Variants in CDC73 observed in about 807,000 individuals in gnomAD.
The protein encoded by CDC73 is cell division cycle 73.
In CDC73, 21 loss-of-function variants were observed where a neutral mutation model predicts 83.7. The observed-to-expected ratio is 0.25, with a 90% CI of 0.18 to 0.36. CDC73 has a LOEUF of 0.36. Among genes scored for constraint, CDC73 ranks in the 10% least tolerant of loss-of-function variants. The pLI is 1.00. For missense variants in CDC73, 342 were observed against 653.3 expected (o/e 0.52, Z 5.19); for synonymous variants, 224 against 212.9 (o/e 1.05, Z -0.45).
intron 13 of CDC73, among the ~76,000 whole-genome samples, chr1:193,229,738 C>T (rs1437242996): frequency 6.6e-6 from 1 of 152,182 alleles, no homozygotes; most frequent in Admixed American, 6.5e-5. Context: ...AAATAATGAA[C>T]TACTGATACA....
chr1:193,142,411 A>G (rs1675921415), intron 7 of CDC73, among the ~76,000 whole-genome samples: 1 of 152,144 alleles, frequency 6.6e-6, no homozygotes, highest in South Asian at 2.1e-4. Flanking sequence ...TCTGGTTATT[A>G]ATGCCATCAT....
At chr1:193,146,287 T>G (rs1263236551) in intron 7 of CDC73, among the ~76,000 whole-genome samples, 1 of 152,112 alleles carries the variant, frequency 6.6e-6, no homozygotes, top group African/African-American at 2.4e-5. Flanking sequence ...TGTCAGACAT[T>G]AGGGGTAAAA....
At chr1:193,221,796 A>G (rs1677475364) in intron 13 of CDC73, among the ~76,000 whole-genome samples, 1 of 151,910 alleles carries the variant, frequency 6.6e-6, no homozygotes, top group African/African-American at 2.4e-5. Context: ...AGTTTAAAAC[A>G]CTCCCTTCAT....
At chr1:193,172,540 C>A (rs1676533651) in intron 10 of CDC73, among the ~76,000 whole-genome samples, 1 of 152,082 alleles carries the variant, frequency 6.6e-6, no homozygotes, top group Admixed American at 6.6e-5. Context: ...ATGGATAGTT[C>A]ATCCCAGTTA....
chr1:193,162,182 ATAT>A (rs1235014329), intron 10 of CDC73, among the ~76,000 whole-genome samples: 356 of 66,560 alleles, frequency 5.3e-3, no homozygotes, highest in Admixed American at 8.0e-3. Context: ...TATATATTAT[ATAT>A]TATCTATTAT....
At chr1:193,236,186 A>G in intron 14 of CDC73, 70 bp from the exon 15 acceptor site, 2 of 900,568 alleles carry the variant, frequency 2.2e-6, no homozygotes, top group South Asian at 2.6e-5. Context: ...GATTTATAGT[A>G]GCTAAAGCTC....
chr1:193,193,780 A>AGTGTGTGTGTGTGTGTGTGTGTGTGT (rs71111459), intron 10 of CDC73, among the ~76,000 whole-genome samples: 1 of 135,838 alleles, frequency 7.4e-6, no homozygotes, highest in East Asian at 2.2e-4. Flanking sequence ...TCTTACTTGT[A>AGTGTGTGTGTGTGTGTGTGTGTGTGT]GTGTGTGTGT....
chr1:193,160,970 T>C (rs1236844478), intron 10 of CDC73, among the ~76,000 whole-genome samples: 1 of 152,084 alleles, frequency 6.6e-6, no homozygotes, highest in African/African-American at 2.4e-5. Context: ...TAATCTTTTA[T>C]ATAATTCCTG....
intron 13 of CDC73, among the ~76,000 whole-genome samples, chr1:193,213,530 A>G (rs927773088): frequency 2.0e-5 from 3 of 152,228 alleles, no homozygotes; most frequent in African/African-American, 4.8e-5. Flanking sequence ...ATTGTAATAC[A>G]TACTCTTTCA....
chr1:193,244,087 T>C (rs1677909624), intron 15 of CDC73, among the ~76,000 whole-genome samples: 1 of 152,236 alleles, frequency 6.6e-6, no homozygotes, highest in African/African-American at 2.4e-5. Flanking sequence ...TTAACATTTG[T>C]ACATGCACAT....
intron 15 of CDC73, among the ~76,000 whole-genome samples, chr1:193,245,510 T>G (rs1677938763): frequency 6.6e-6 from 1 of 152,208 alleles, no homozygotes; most frequent in Non-Finnish European, 1.5e-5. Flanking sequence ...CACATTTTCT[T>G]TATCCATTTA....
At chr1:193,233,770 A>G (rs1677701506) in intron 14 of CDC73, among the ~76,000 whole-genome samples, 1 of 152,200 alleles carries the variant, frequency 6.6e-6, no homozygotes, top group Admixed American at 6.5e-5. Context: ...GAATAATGTA[A>G]TAAAAATAGG....
intron 13 of CDC73, among the ~76,000 whole-genome samples, chr1:193,227,825 A>C (rs1677590786): frequency 6.6e-6 from 1 of 152,186 alleles, no homozygotes; most frequent in Non-Finnish European, 1.5e-5. Context: ...TGATTTGTTC[A>C]AATTTCTTGT....
intron 2 of CDC73, among the ~76,000 whole-genome samples, chr1:193,126,349 T>C (rs1267975452): frequency 2.0e-5 from 3 of 152,180 alleles, no homozygotes; most frequent in Non-Finnish European, 4.4e-5. Flanking sequence ...AATTTATTAC[T>C]CAGAGGAAAT....
chr1:193,145,268 A>C lies in CDC73; in HGVS notation c.730-2599A>C, dbSNP rs573733433. ...TTTCCATGTTGCATTAACCTTTAAG[A>C]ACCATTTATTGCATTTTGGTATGAT... On this transcript the variant is annotated intron_variant, in intron 7 of 16. Transcript: ENST00000367435. Among the ~76,000 whole-genome samples the C allele has an allele frequency of 2.0e-5, 3 of 152,220 alleles. No homozygotes were observed. The East Asian group carries it at 5.8e-4, about 29-fold the overall frequency.
rs1678067965 is a variant in CDC73 at position 193,252,932 on chromosome 1, T to TG, written c.*2222dup. ...AGTGTAGTTCGACTCTTCTTGGTCT[T>TG]GGAGTTTGAGAGTACAGAATTACAG... On this transcript the variant is annotated 3_prime_UTR_variant, in exon 17 of 17. Coordinates refer to ENST00000367435, the MANE Select transcript of CDC73 (RefSeq NM_024529.5). 1 of 231,606 alleles carries TG rather than the reference T, an allele frequency of 4.3e-6. No individual in the cohort carries two copies. Among genetic ancestry groups the TG allele is most frequent in the Admixed American group, 5.6e-5 (1 of 17,728 alleles). 14.3% of individuals were successfully genotyped at this position (231,606 alleles called of 1,614,324 possible).
At chr1:193,188,948 T>G (rs2103166580) in intron 10 of CDC73, among the ~76,000 whole-genome samples, 1 of 151,206 alleles carries the variant, frequency 6.6e-6, no homozygotes, top group African/African-American at 2.4e-5. Flanking sequence ...TTTCTTTCTG[T>G]CTGTCTGTTT....
At chr1:193,221,291 A>G (rs904493139) in intron 13 of CDC73, among the ~76,000 whole-genome samples, 1 of 152,140 alleles carries the variant, frequency 6.6e-6, no homozygotes, top group Non-Finnish European at 1.5e-5. Context: ...TTATCTCCAA[A>G]TTGAAATACC....
chr1:193,156,837 A>C (rs985122271), intron 10 of CDC73, among the ~76,000 whole-genome samples: 1 of 152,002 alleles, frequency 6.6e-6, no homozygotes, highest in African/African-American at 2.4e-5. Context: ...TCCTTTAGCA[A>C]ATATTTGTTG....
Sources: allele counts gnomAD v4.1 joint callset (sites outside exome capture counted in the v4.1 genomes callset), GRCh38; gene constraint gnomAD v4.1.1; transcripts MANE v1.5; gene names NCBI Gene and HGNC (gene_info 2026-07-23, HGNC 2026-07-21).